Variants in DOT1L observed in about 807,000 individuals in gnomAD.
DOT1L encodes the protein histone-lysine N-methyltransferase, H3 lysine-79 specific.
A neutral mutation model predicts 153.3 loss-of-function variants in DOT1L; 33 were observed. The observed-to-expected ratio is 0.22, with a 90% CI of 0.16 to 0.29. DOT1L has a LOEUF of 0.29. Among genes scored for constraint, DOT1L ranks in the 10% least tolerant of loss-of-function variants. The pLI, the probability that DOT1L is intolerant of heterozygous loss-of-function variation, is 1.00. For missense variants in DOT1L, 1,847 were observed against 2,119.9 expected (o/e 0.87, Z 2.53); for synonymous variants, 1,135 against 965.1 (o/e 1.18, Z -3.26).
chr19:2,214,105 C>A, intron 18 of DOT1L, 119 bp downstream of exon 18: 2 of 1,438,322 alleles, frequency 1.4e-6, no homozygotes, highest in African/African-American at 1.4e-5. Context: ...GGTTTGTTCC[C>A]AGACGAATTG....
chr19:2,187,508 G>T (rs1286344794), intron 3 of DOT1L, among the ~76,000 whole-genome samples: 1 of 152,222 alleles, frequency 6.6e-6, no homozygotes, highest in African/African-American at 2.4e-5. Context: ...ACCAAGGACA[G>T]CCCCAGCTCC....
chr19:2,219,028 T>C (rs558742956), intron 22 of DOT1L, among the ~76,000 whole-genome samples: 2 of 152,320 alleles, frequency 1.3e-5, no homozygotes, highest in South Asian at 4.1e-4. Context: ...TGCACCACTA[T>C]GCCCAGCTGA....
rs945935499 is a variant in DOT1L, at chr19:2,226,815, G to A, written c.4294G>A (p.Ala1432Thr). The A allele has an allele frequency of 1.3e-5, 21 of 1,579,510 alleles. No homozygotes were observed. The highest frequency in any genetic ancestry group is 1.8e-5 in the Non-Finnish European group (21 of 1,170,580). ...NGHNLFISAAAVPPGSLLSGP... is the reference protein window; with the variant it reads ...NGHNLFISAATVPPGSLLSGP... ...CCACAACCTCTTCATCTCTGCGGCG[G>A]CCGTGCCTCCCGGAAGCCTCCTCAG... The change falls in exon 27 of 28, where the codon GCC (alanine) becomes ACC (threonine). Residue 1432 changes from alanine to threonine, a missense_variant. Transcript: ENST00000398665.
intron 19 of DOT1L, among the ~76,000 whole-genome samples, chr19:2,214,987 G>A (rs951280193): frequency 1.2e-4 from 18 of 152,104 alleles, no homozygotes; most frequent in African/African-American, 3.4e-4. Context: ...AGGCTGAGGC[G>A]GGCAGATCAC....
intron 27 of DOT1L, chr19:2,227,648 C>G: frequency 8.0e-7 from 1 of 1,250,336 alleles, no homozygotes. Context: ...CGCCGTTTCG[C>G]TTCCCTTTTT....
At chr19:2,201,306 C>T (rs1248722956) in intron 8 of DOT1L, among the ~76,000 whole-genome samples, 1 of 151,460 alleles carries the variant, frequency 6.6e-6, no homozygotes, top group Non-Finnish European at 1.5e-5. Flanking sequence ...TCCCTGTATT[C>T]CTCATTCTCC....
intron 22 of DOT1L, among the ~76,000 whole-genome samples, chr19:2,218,553 CT>C (rs1330879641): frequency 1.3e-5 from 2 of 151,386 alleles, no homozygotes; most frequent in African/African-American, 4.9e-5. Flanking sequence ...GCCACCACGC[CT>C]GGCTAATTTT....
Position 2,174,990 on chromosome 19 carries a change from GTGTGTA to G in DOT1L, c.82-5721_82-5716del, listed in dbSNP as rs1219939003. 2.1e-4 allele frequency among the ~76,000 whole-genome samples: 21 copies of G among 98,854 alleles called. 1 individual carries two copies. The highest frequency in any genetic ancestry group is 1.2e-3 in the African/African-American group (21 of 16,824). 64.9% of individuals were successfully genotyped at this position (98,854 alleles called of 152,430 possible). On this transcript the variant is annotated intron_variant, in intron 1 of 27. Transcript: ENST00000398665. ...TGTGTGTGTGTGTGTGTGTGTGTGT[GTGTGTA>G]TATATATATTTTTTTTTTTTTAGAT... is the stretch of plus-strand genomic sequence containing the variant.
chr19:2,206,894 T>A (rs890741050), intron 10 of DOT1L, 97 bp downstream of exon 10: 81 of 1,258,804 alleles, frequency 6.4e-5, no homozygotes, highest in Non-Finnish European at 8.5e-5. Context: ...CTGTGGACAC[T>A]GGGGCTGGAT....
intron 1 of DOT1L, among the ~76,000 whole-genome samples, chr19:2,175,300 C>T (rs1330569137): frequency 2.6e-5 from 4 of 151,872 alleles, no homozygotes; most frequent in South Asian, 2.1e-4. Flanking sequence ...GGCGCCTGGC[C>T]GATATTTTGT....
intron 27 of DOT1L, chr19:2,228,164 C>T (rs2024444909): frequency 7.3e-7 from 1 of 1,364,878 alleles, no homozygotes; most frequent in Non-Finnish European, 9.8e-7. Flanking sequence ...AGCTCACCTC[C>T]CTCCCGCACA....
intron 7 of DOT1L, 58 bp from the exon 8 acceptor site, chr19:2,199,826 C>T (rs1568347367): frequency 3.0e-6 from 4 of 1,320,238 alleles, no homozygotes; most frequent in African/African-American, 1.6e-5. Flanking sequence ...AGGGGCTGGG[C>T]GGGCTGGGAG....
chr19:2,226,676 C>T lies in DOT1L; in HGVS notation c.4155C>T (p.Arg1385=), dbSNP rs1318497143. The T allele has an allele frequency of 7.6e-6, 12 of 1,578,078 alleles. No homozygotes were observed. In the African/African-American group the frequency reaches 1.2e-4, roughly 16 times the overall value. ...CTGGGCTGAAGGGCGAGGGCAGCCG[C>T]GGCAAGGAGGCAGGGGAGGGCGGCC... ...GLAGLKGEGS[R]GKEAGEGGLP... The change falls in exon 27 of 28, where the codon CGC becomes CGT. Residue 1385 remains arginine (R), a synonymous_variant. Coordinates refer to ENST00000398665, the MANE Select transcript of DOT1L (RefSeq NM_032482.3).
intron 27 of DOT1L, chr19:2,228,891 G>C: frequency 1.0e-6 from 1 of 985,450 alleles, no homozygotes; most frequent in Non-Finnish European, 1.2e-6. Context: ...CTGGCCAGTA[G>C]CCTCGGATGC....
At chr19:2,214,032 C>T (rs1225958718) in intron 18 of DOT1L, 46 bp downstream of exon 18, 4 of 1,589,336 alleles carry the variant, frequency 2.5e-6, no homozygotes, top group Non-Finnish European at 3.4e-6. Flanking sequence ...CAGAGGGGCC[C>T]TGCCTGGGCG....
At chr19:2,171,569 A>G (rs1352557665) in intron 1 of DOT1L, among the ~76,000 whole-genome samples, 2 of 152,004 alleles carry the variant, frequency 1.3e-5, no homozygotes, top group Non-Finnish European at 2.9e-5. Context: ...GGGCCAGGAG[A>G]CGCCAAGAGC....
chr19:2,171,820 C>T (rs1047874255), intron 1 of DOT1L, among the ~76,000 whole-genome samples: 5 of 152,170 alleles, frequency 3.3e-5, no homozygotes, highest in East Asian at 3.9e-4. Context: ...ATTTGGGCCT[C>T]GTTTGCGGGC....
chr19:2,214,305 T>C (rs2023823201), intron 18 of DOT1L, 166 bp from the exon 19 acceptor site: 1 of 1,236,762 alleles, frequency 8.1e-7, no homozygotes, highest in Admixed American at 2.8e-5. Context: ...GGGGCCCCAG[T>C]CTCCGCGTGT....
chr19:2,204,859 C>G lies in DOT1L; in HGVS notation c.788-1870C>G, dbSNP rs1327013521. On this transcript the variant is annotated intron_variant, in intron 9 of 27. Transcript: ENST00000398665. The surrounding 1 kb of genome is among the most constrained non-coding windows in gnomAD (Gnocchi z 5.7). ...TGGCCCTGGAACCGCCCTTCCTGCT[C>G]CTCCTGAGGGGAGTGGTGTGTAGAA... is the stretch of plus-strand genomic sequence containing the variant. Among the ~76,000 whole-genome samples the G allele has an allele frequency of 6.6e-6, 1 of 152,214 alleles. No homozygotes were observed. The highest frequency in any genetic ancestry group is 1.5e-5 in the Non-Finnish European group (1 of 68,040).
Sources: allele counts gnomAD v4.1 joint callset (sites outside exome capture counted in the v4.1 genomes callset), GRCh38; gene constraint gnomAD v4.1.1; non-coding constraint Gnocchi (gnomAD v3.1); transcripts MANE v1.5; gene names NCBI Gene and HGNC (gene_info 2026-07-23, HGNC 2026-07-21).